Variants in CHRM3 observed in about 807,000 individuals in gnomAD.
The protein encoded by CHRM3 is muscarinic acetylcholine receptor M3.
A neutral mutation model predicts 41.8 loss-of-function variants in CHRM3; 11 were observed. The observed-to-expected ratio is 0.26, with a 90% confidence interval of 0.17 to 0.44. CHRM3 has a LOEUF of 0.44. Among genes scored for constraint, CHRM3 ranks in the 20% least tolerant of loss-of-function variants. The pLI is 1.00. For synonymous variants in CHRM3, 297 were observed against 301.4 expected (o/e 0.99, Z 0.15); for missense variants, 571 against 745.4 (o/e 0.77, Z 2.72).
At chr1:239,409,060 C>T (rs1660869304) in intron 1 of CHRM3, among the ~76,000 whole-genome samples, 1 of 152,150 alleles carries the variant, frequency 6.6e-6, no homozygotes, top group African/African-American at 2.4e-5. Flanking sequence ...AGATTTTTCA[C>T]ATTAAAATCT....
intron 2 of CHRM3, among the ~76,000 whole-genome samples, chr1:239,520,175 A>G (rs1669548471): frequency 6.6e-6 from 1 of 152,218 alleles, no homozygotes; most frequent in African/African-American, 2.4e-5. Flanking sequence ...CTTATACCCA[A>G]GAAATACATA....
intron 1 of CHRM3, among the ~76,000 whole-genome samples, chr1:239,476,435 A>G (rs1428013057): frequency 6.6e-6 from 1 of 150,846 alleles, no homozygotes; most frequent in Non-Finnish European, 1.5e-5. Context: ...ATTACACTCC[A>G]ACCTGGGTGA....
chr1:239,746,904 C>A (rs1456546634), intron 5 of CHRM3, among the ~76,000 whole-genome samples: 1 of 151,900 alleles, frequency 6.6e-6, no homozygotes, highest in South Asian at 2.1e-4. Flanking sequence ...ACTACAGGTG[C>A]GTGCCACCAA....
intron 1 of CHRM3, among the ~76,000 whole-genome samples, chr1:239,471,920 A>C (rs1031919586): frequency 6.6e-6 from 1 of 152,108 alleles, no homozygotes; most frequent in Non-Finnish European, 1.5e-5. Flanking sequence ...GAAATCACAC[A>C]CAGGTTATTA....
chr1:239,402,871 C>T (rs376749754), intron 1 of CHRM3, among the ~76,000 whole-genome samples: 11 of 152,160 alleles, frequency 7.2e-5, no homozygotes, highest in African/African-American at 2.2e-4. Flanking sequence ...GCAGTGCCTA[C>T]GCATCACTTC....
intron 1 of CHRM3, among the ~76,000 whole-genome samples, chr1:239,406,079 A>T (rs1660572770): frequency 6.6e-6 from 1 of 152,054 alleles, no homozygotes; most frequent in Non-Finnish European, 1.5e-5. Flanking sequence ...TTTAGTTGAG[A>T]AGGGGTTTCA....
chr1:239,858,500 G>T, intron 6 of CHRM3, among the ~76,000 whole-genome samples: 1 of 138,594 alleles, frequency 7.2e-6, no homozygotes, highest in South Asian at 2.4e-4. Flanking sequence ...TAACCTTTAT[G>T]TGCCATAGTA....
At chr1:239,537,415 A>T (rs1192608964) in intron 2 of CHRM3, among the ~76,000 whole-genome samples, 2 of 152,014 alleles carry the variant, frequency 1.3e-5, no homozygotes, top group Non-Finnish European at 2.9e-5. Flanking sequence ...GAACAAAGGG[A>T]GGTGTCACTT....
At chr1:239,658,336 T>TG (rs1056277358) in intron 4 of CHRM3, among the ~76,000 whole-genome samples, 5 of 152,160 alleles carry the variant, frequency 3.3e-5, no homozygotes, top group African/African-American at 1.2e-4. Flanking sequence ...GGTTGAATAG[T>TG]GGGTTTGTGA....
chr1:239,911,230 G>C lies in CHRM3; in HGVS notation c.*2006G>C, dbSNP rs1680349295. 6.0e-6 allele frequency: 1 copy of C among 166,078 alleles called. No individual in the cohort carries two copies. Among genetic ancestry groups the C allele is most frequent in the Non-Finnish European group, 1.5e-5 (1 of 68,018 alleles). The allele number at this position is 166,078 out of a possible 1,614,324, so 10.3% of individuals were successfully genotyped here. ...GGGAACTGAACAAAGCTCCACCATTGTGTCTGAAATCATTTTACACAGGGA... is the reference window on the plus strand; with the variant it reads ...GGGAACTGAACAAAGCTCCACCATTCTGTCTGAAATCATTTTACACAGGGA... On this transcript the variant is annotated 3_prime_UTR_variant, in exon 7 of 7. Transcript: ENST00000676153.
intron 3 of CHRM3, among the ~76,000 whole-genome samples, chr1:239,618,913 T>A (rs937341601): frequency 3.3e-5 from 5 of 150,664 alleles, no homozygotes; most frequent in Admixed American, 6.6e-5. Context: ...TATGATTTAT[T>A]TATTTATTTA....
intron 5 of CHRM3, among the ~76,000 whole-genome samples, chr1:239,756,198 G>T (rs945624724): frequency 1.1e-4 from 17 of 152,140 alleles, no homozygotes. Context: ...TGTGCATTTG[G>T]ATCCATAATG....
intron 2 of CHRM3, among the ~76,000 whole-genome samples, chr1:239,510,043 C>T (rs1443163917): frequency 6.6e-6 from 1 of 152,144 alleles, no homozygotes; most frequent in Non-Finnish European, 1.5e-5. Flanking sequence ...GGGCCGAGAT[C>T]ATGCCACTGC....
chr1:239,779,901 A>G (rs952498556), intron 5 of CHRM3, among the ~76,000 whole-genome samples: 8 of 152,136 alleles, frequency 5.3e-5, no homozygotes, highest in African/African-American at 1.9e-4. Context: ...TAGCCTTTTC[A>G]CATTGCCTTT....
At chr1:239,792,325 A>G (rs1669417318) in intron 5 of CHRM3, among the ~76,000 whole-genome samples, 1 of 152,172 alleles carries the variant, frequency 6.6e-6, no homozygotes, top group Admixed American at 6.5e-5. Context: ...GATCTCTGAA[A>G]TCTCTGTGAT....
intron 1 of CHRM3, among the ~76,000 whole-genome samples, chr1:239,418,996 G>T (rs991826580): frequency 2.0e-5 from 3 of 152,124 alleles, no homozygotes; most frequent in Admixed American, 6.6e-5. Flanking sequence ...AGACCTGGAG[G>T]ATTTCAGATA....
intron 6 of CHRM3, among the ~76,000 whole-genome samples, chr1:239,836,870 G>A (rs1209388741): frequency 1.3e-5 from 2 of 151,982 alleles, no homozygotes; most frequent in South Asian, 2.1e-4. Context: ...AGCTACTTGG[G>A]AGGCTGAGGC....
chr1:239,537,703 C>T (rs963040971), intron 2 of CHRM3, among the ~76,000 whole-genome samples: 4 of 152,174 alleles, frequency 2.6e-5, no homozygotes, highest in Non-Finnish European at 5.9e-5. Context: ...GAATTTTGCT[C>T]TTATGGTCAC....
chr1:239,764,170 A>G (rs1280841108), intron 5 of CHRM3, among the ~76,000 whole-genome samples: 3 of 151,812 alleles, frequency 2.0e-5, no homozygotes, highest in Non-Finnish European at 4.4e-5. Flanking sequence ...CCATTGTGCC[A>G]GAGTTAGTAA....
Sources: allele counts gnomAD v4.1 joint callset (sites outside exome capture counted in the v4.1 genomes callset), GRCh38; gene constraint gnomAD v4.1.1; transcripts MANE v1.5; gene names NCBI Gene and HGNC (gene_info 2026-07-23, HGNC 2026-07-21).